HERC2: variants seen among roughly 807,000 people sequenced by gnomAD.
The protein encoded by HERC2 is HECT and RLD domain containing E3 ubiquitin protein ligase 2, also known as E3 ubiquitin-protein ligase HERC2.
In HERC2, 102 loss-of-function variants were observed where a neutral mutation model predicts 537.7. The ratio of observed to expected loss-of-function variants is 0.19; its 90% CI spans 0.16 to 0.22. HERC2 has a LOEUF of 0.22. Among genes scored for constraint, HERC2 ranks in the 10% least tolerant of loss-of-function variants. HERC2 has a pLI of 1.00. For missense variants in HERC2, 4,236 were observed against 6,198.2 expected, an observed-to-expected ratio of 0.68 and a Z score of 10.63; for synonymous variants, 2,224 against 2,466.2, an observed-to-expected ratio of 0.90 and a Z score of 2.91.
At position 28,296,652 on chromosome 15, in the gene HERC2, A is replaced by C. The variant is rs190807270; in HGVS notation, c.187+2750T>G. Among the ~76,000 whole-genome samples, 946 of 150,826 alleles carry C rather than the reference A, an allele frequency of 6.3e-3. 9 individuals are homozygous for C. The highest frequency in any genetic ancestry group is 0.022 in the African/African-American group (892 of 40,908). ...CTGGAGGGCTAGGAAGAAGAGGTTA[A>C]AACTTTTTAAAATATACAGAATGAA... On this transcript the variant is annotated intron_variant, in intron 3 of 92. Coordinates refer to ENST00000261609, the MANE Select transcript of HERC2 (RefSeq NM_004667.6).
intron 2 of HERC2, among the ~76,000 whole-genome samples, chr15:28,304,804 C>T (rs2076737194): frequency 7.4e-6 from 1 of 136,052 alleles, no homozygotes; most frequent in African/African-American, 2.8e-5. Context: ...TGGTGTGCTG[C>T]ACCCACTAAC....
At chr15:28,152,467 A>C (rs191759042) in intron 70 of HERC2, among the ~76,000 whole-genome samples, 5 of 152,370 alleles carry the variant, frequency 3.3e-5, no homozygotes, top group African/African-American at 9.6e-5. Context: ...GATTATCATG[A>C]AGCTAAACAT....
At chr15:28,152,172 A>G (rs1038810711) in intron 70 of HERC2, among the ~76,000 whole-genome samples, 3 of 152,322 alleles carry the variant, frequency 2.0e-5, no homozygotes, top group Non-Finnish European at 2.9e-5. Context: ...TGAGGAACAC[A>G]CTGAACAGCA....
At chr15:28,217,240 C>G (rs1900029782) in intron 38 of HERC2, among the ~76,000 whole-genome samples, 1 of 152,032 alleles carries the variant, frequency 6.6e-6, no homozygotes, top group African/African-American at 2.4e-5. Context: ...CTCCCTCATG[C>G]TCACCCTCAC....
chr15:28,312,358 G>A (rs1232201247), intron 2 of HERC2, among the ~76,000 whole-genome samples: 194 of 149,826 alleles, frequency 1.3e-3, no homozygotes, highest in African/African-American at 4.6e-3. Context: ...TACAGGCAGG[G>A]CGTGGTGGCC....
intron 2 of HERC2, among the ~76,000 whole-genome samples, chr15:28,319,796 C>G (rs1334367715): frequency 2.0e-5 from 3 of 152,064 alleles, no homozygotes; most frequent in Admixed American, 2.0e-4. Context: ...TCATGTTTAG[C>G]AGTTATTAAA....
rs1894497524 is a variant in HERC2, at chr15:28,169,665, G to A, written c.10058-10C>T. ...GCATCTGAAGGCACGCCTATAAGAG[G>A]AAAATAAAATTTGCATTGTTTTTAA... On this transcript the variant is annotated splice_polypyrimidine_tract_variant and intron_variant, in intron 65 of 92. Transcript: ENST00000261609. 1 of 1,593,592 alleles carries A rather than the reference G, an allele frequency of 6.3e-7. No homozygotes were observed. Among genetic ancestry groups the A allele is most frequent in the Non-Finnish European group, 8.5e-7 (1 of 1,171,416 alleles).
intron 86 of HERC2, among the ~76,000 whole-genome samples, chr15:28,120,849 C>G (rs1270566057): frequency 6.6e-6 from 1 of 152,230 alleles, no homozygotes; most frequent in Non-Finnish European, 1.5e-5. Context: ...GGCCCCCCAG[C>G]ACCATCAGAG....
At chr15:28,172,995 AG>A (rs1894841592) in intron 65 of HERC2, among the ~76,000 whole-genome samples, 2 of 152,266 alleles carry the variant, frequency 1.3e-5, no homozygotes, top group South Asian at 4.1e-4. Flanking sequence ...TAAATAAGCA[AG>A]ATGCTTGAGA....
rs934832015 is a variant in HERC2 at position 28,111,095 on chromosome 15, C to T, written c.*668G>A. ...TTAAAATTTAGGCATATACATGACA[C>T]AAACATTATATATAGTACACTTTCC... On this transcript the variant is annotated 3_prime_UTR_variant, in exon 93 of 93. Coordinates refer to ENST00000261609, the MANE Select transcript of HERC2 (RefSeq NM_004667.6). 2 of 152,172 alleles carry T rather than the reference C, an allele frequency of 1.3e-5. No individual in the cohort carries two copies. Among genetic ancestry groups the T allele is most frequent in the East Asian group, 1.9e-4 (1 of 5,204 alleles). The allele number at this position is 152,172 out of a possible 1,614,324, so 9.4% of individuals were successfully genotyped here.
chr15:28,225,820 T>C (rs541493059), intron 35 of HERC2, among the ~76,000 whole-genome samples: 3 of 152,140 alleles, frequency 2.0e-5, no homozygotes, highest in African/African-American at 7.2e-5. Flanking sequence ...TGTGAACTAC[T>C]GTATGCCAAC....
intron 79 of HERC2, among the ~76,000 whole-genome samples, chr15:28,133,348 G>A (rs1221678689): frequency 6.6e-6 from 1 of 151,950 alleles, no homozygotes; most frequent in African/African-American, 2.4e-5. Flanking sequence ...TATATATTTT[G>A]GCTATCAGAC....
At chr15:28,303,174 T>C (rs537199355) in intron 2 of HERC2, among the ~76,000 whole-genome samples, 2 of 152,328 alleles carry the variant, frequency 1.3e-5, no homozygotes, top group South Asian at 2.1e-4. Flanking sequence ...TTTGATGTGA[T>C]TTTCGTATAT....
In HERC2 at chr15:28,254,519, C is replaced by T; in HGVS notation, c.2872-1G>A. The T allele has an allele frequency of 6.3e-7, 1 of 1,578,726 alleles. No individual in the cohort carries two copies. Among genetic ancestry groups the T allele is most frequent in the Non-Finnish European group, 8.6e-7 (1 of 1,166,012 alleles). ...GTGCTTCTTTTTTGGCTTCAATATC[C>T]TGTAATTCATAAAAAGAAATTGTTT... On this transcript the variant is annotated splice_acceptor_variant, in intron 19 of 92. Coordinates refer to ENST00000261609, the MANE Select transcript of HERC2 (RefSeq NM_004667.6). LOFTEE classifies it high-confidence loss of function.
chr15:28,265,839 C>T lies in HERC2; in HGVS notation c.1734G>A (p.Gly578=). ...AEGELYTWGR[G]NYGRLGHGSS... ...TACCATGGCCCAGCCGGCCGTAGTT[C>T]CCGCGGCCCCAGGTGTACAGCTCCC... The change falls in exon 13 of 93, where the codon GGG becomes GGA. Residue 578 remains glycine, a synonymous_variant. Coordinates refer to ENST00000261609, the MANE Select transcript of HERC2 (RefSeq NM_004667.6). This position sits in a 1 kb window ranked among gnomAD's most constrained non-coding sequence, Gnocchi z 4.0. The T allele has an allele frequency of 1.2e-6, 2 of 1,614,162 alleles. No individual in the cohort carries two copies. Among genetic ancestry groups the T allele is most frequent in the South Asian group, 1.1e-5 (1 of 91,080 alleles).
At chr15:28,186,998 C>T (rs2140234312) in intron 55 of HERC2, among the ~76,000 whole-genome samples, 1 of 152,276 alleles carries the variant, frequency 6.6e-6, no homozygotes, top group African/African-American at 2.4e-5. Flanking sequence ...TGATTTTCTT[C>T]CTAAAATTTT....
chr15:28,292,034 C>G (rs1214302084), intron 4 of HERC2, among the ~76,000 whole-genome samples: 1 of 151,338 alleles, frequency 6.6e-6, no homozygotes, highest in Non-Finnish European at 1.5e-5. Flanking sequence ...TCAAGACCAG[C>G]CTGGCTAACA....
chr15:28,236,873 C>A (rs561162292), intron 26 of HERC2, 90 bp downstream of exon 26: 31 of 1,026,830 alleles, frequency 3.0e-5, no homozygotes, highest in Non-Finnish European at 4.4e-5. Context: ...CAGGCATGAA[C>A]CACTGTGCCT....
At chr15:28,136,222 A>C (rs1890620287) in intron 78 of HERC2, among the ~76,000 whole-genome samples, 1 of 152,216 alleles carries the variant, frequency 6.6e-6, no homozygotes, top group Non-Finnish European at 1.5e-5. Flanking sequence ...TACACACACT[A>C]AATCAGACTG....
Sources: allele counts gnomAD v4.1 joint callset (sites outside exome capture counted in the v4.1 genomes callset), GRCh38; gene constraint gnomAD v4.1.1; non-coding constraint Gnocchi (gnomAD v3.1); transcripts MANE v1.5; gene names NCBI Gene and HGNC (gene_info 2026-07-23, HGNC 2026-07-21).